The following PRMT8 variants were observed in gnomAD, a reference collection of about 807,000 sequenced individuals.
The protein encoded by PRMT8 is protein arginine N-methyltransferase 8.
PRMT8 carries 7 observed loss-of-function variants against 47.1 expected under a neutral mutation model. The observed-to-expected ratio is 0.15, with a 90% CI of 0.08 to 0.28. PRMT8 has a LOEUF of 0.28. Among genes scored for constraint, PRMT8 ranks in the 10% least tolerant of loss-of-function variants. PRMT8 has a pLI of 1.00. For synonymous variants in PRMT8, 188 were observed against 186.5 expected, an observed-to-expected ratio of 1.01 and a Z score of -0.07; for missense variants, 237 against 505.4, an observed-to-expected ratio of 0.47 and a Z score of 5.09.
Position 3,540,799 on chromosome 12 carries a change from G to A in PRMT8, c.261+8G>A. On this transcript the variant is annotated splice_region_variant and intron_variant, in intron 2 of 9. Coordinates refer to ENST00000382622, the MANE Select transcript of PRMT8 (RefSeq NM_019854.5). ...CACTTTGGGATCCACGAGGTAAAGT[G>A]TCCCGAGTGGGTGGCTAATGGGGCG... 6.2e-7 allele frequency: 1 copy of A among 1,612,242 alleles called. No individual in the cohort carries two copies. Among genetic ancestry groups the A allele is most frequent in the Non-Finnish European group, 8.5e-7 (1 of 1,178,882 alleles).
chr12:3,470,922 A>G (rs1865155158), intron 1 of PRMT8, among the ~76,000 whole-genome samples: 1 of 152,210 alleles, frequency 6.6e-6, no homozygotes, highest in Admixed American at 6.5e-5. Flanking sequence ...CTGCTCCTGC[A>G]AAAGACAGGC....
At chr12:3,524,310 A>G (rs1382667501) in intron 1 of PRMT8, among the ~76,000 whole-genome samples, 1 of 152,230 alleles carries the variant, frequency 6.6e-6, no homozygotes, top group Non-Finnish European at 1.5e-5. Flanking sequence ...GAAACAACGC[A>G]TACAGTGGTC....
chr12:3,553,445 G>T (rs985298478), intron 3 of PRMT8: 3 of 605,944 alleles, frequency 5.0e-6, no homozygotes, highest in Non-Finnish European at 8.8e-6. Context: ...CAGTCTTTTC[G>T]CAAAGGCAGC....
chr12:3,534,032 C>T (rs776074449), intron 1 of PRMT8, among the ~76,000 whole-genome samples: 3 of 152,164 alleles, frequency 2.0e-5, no homozygotes, highest in Admixed American at 6.5e-5. Flanking sequence ...GGGGCTGGCA[C>T]GAAGGTGGGC....
At chr12:3,476,400 T>G (rs1003012103) in intron 1 of PRMT8, among the ~76,000 whole-genome samples, 4 of 152,116 alleles carry the variant, frequency 2.6e-5, no homozygotes, top group Non-Finnish European at 5.9e-5. Flanking sequence ...AGGAATCTGA[T>G]TTTCTGCTTG....
rs538695308 is a variant in PRMT8 at position 3,522,801 on chromosome 12, C to CA, written c.76-17802dup. 5.9e-3 allele frequency among the ~76,000 whole-genome samples: 887 copies of CA among 150,108 alleles called. 7 individuals are homozygous for CA. The highest frequency in any genetic ancestry group is 0.02 in the African/African-American group (817 of 40,616). On this transcript the variant is annotated intron_variant, in intron 1 of 9. Transcript: ENST00000382622. ...GGAAAACAAACAAACAAAAAACAAA[C>CA]AAACAAAAAAAAACAGAAAAAAATG...
At chr12:3,435,856 G>A (rs1046220742) in intron 1 of PRMT8, among the ~76,000 whole-genome samples, 2 of 152,106 alleles carry the variant, frequency 1.3e-5, no homozygotes, top group Admixed American at 6.6e-5. Flanking sequence ...TCTCTGAACC[G>A]CTCAGGCTTG....
At chr12:3,438,231 G>A (rs1035862345) in intron 1 of PRMT8, among the ~76,000 whole-genome samples, 4 of 152,148 alleles carry the variant, frequency 2.6e-5, no homozygotes, top group Admixed American at 2.0e-4. Flanking sequence ...CTGGTGGAGA[G>A]GGTCTTATGC....
chr12:3,551,085 C>CCCCCCCCCCCCCCCCCCCCCT (rs56199176), intron 3 of PRMT8: 1 of 149,558 alleles, frequency 6.7e-6, no homozygotes, highest in African/African-American at 2.5e-5. Context: ...GACCCCCCCC[C>CCCCCCCCCCCCCCCCCCCCCT]GCCCACTGAC....
At chr12:3,479,556 C>T (rs187040031) in intron 1 of PRMT8, among the ~76,000 whole-genome samples, 6 of 152,092 alleles carry the variant, frequency 3.9e-5, no homozygotes, top group East Asian at 1.9e-4. Context: ...AGATAGCCAT[C>T]GTCTCAATTT....
chr12:3,535,261 G>A lies in PRMT8; in HGVS notation c.76-5345G>A, dbSNP rs191270485. ...TTTCATCTCTGCATTTAGTGGGCCCGAGGCCTGTTCACCCCAGTAGAGTGG... is the reference window on the plus strand; with the variant it reads ...TTTCATCTCTGCATTTAGTGGGCCCAAGGCCTGTTCACCCCAGTAGAGTGG... On this transcript the variant is annotated intron_variant, in intron 1 of 9. Coordinates refer to ENST00000382622, the MANE Select transcript of PRMT8 (RefSeq NM_019854.5). The surrounding 1 kb of genome is among the most constrained non-coding windows in gnomAD (Gnocchi z 4.7). 1.2e-4 allele frequency among the ~76,000 whole-genome samples: 18 copies of A among 152,320 alleles called. No homozygotes were observed. Among genetic ancestry groups the A allele is most frequent in the South Asian group, 4.1e-4 (2 of 4,822 alleles).
At position 3,577,007 on chromosome 12, in the gene PRMT8, T is replaced by C. The variant is rs767939703; in HGVS notation, c.828+21T>C. The C allele has an allele frequency of 1.9e-6, 3 of 1,600,698 alleles. No homozygotes were observed. In the Admixed American group the frequency reaches 5.0e-5, roughly 27 times the overall value. ...TAAAGGTCTGGACACTCATCCGGGGTGGACCTGGGTGTGCTGGGAGCCCCG... is the reference window on the plus strand; with the variant it reads ...TAAAGGTCTGGACACTCATCCGGGGCGGACCTGGGTGTGCTGGGAGCCCCG... On this transcript the variant is annotated intron_variant, in intron 7 of 9. Transcript: ENST00000382622.
intron 1 of PRMT8, among the ~76,000 whole-genome samples, chr12:3,448,819 T>G (rs1452340524): frequency 6.6e-6 from 1 of 152,212 alleles, no homozygotes; most frequent in Non-Finnish European, 1.5e-5. Flanking sequence ...GGTGGTTTGC[T>G]GCATCTATCA....
chr12:3,458,299 T>C (rs1333563054), intron 1 of PRMT8, among the ~76,000 whole-genome samples: 1 of 152,186 alleles, frequency 6.6e-6, no homozygotes, highest in Non-Finnish European at 1.5e-5. Flanking sequence ...CTCATCCCTG[T>C]GGCCAGGAGG....
In PRMT8 at chr12:3,411,366, C is replaced by T. The variant is rs1864428114; in HGVS notation, c.48+29924C>T. ...ATTGTAGCACTACAAAATTTCATTG[C>T]TTTGATCATCTTTCAGTTGCCTTCA... On this transcript the variant is annotated intron_variant, in intron 1 of 9. Transcript: ENST00000452611. Among the ~76,000 whole-genome samples the T allele has an allele frequency of 4.6e-5, 7 of 152,312 alleles. 1 individual carries two copies. In the South Asian group the frequency reaches 1.4e-3, roughly 32 times the overall value.
At chr12:3,393,530 G>A (rs1416555613) in intron 1 of PRMT8, among the ~76,000 whole-genome samples, 1 of 152,156 alleles carries the variant, frequency 6.6e-6, no homozygotes. Context: ...TTGTAGACAT[G>A]TGGTGTTATT....
intron 1 of PRMT8, among the ~76,000 whole-genome samples, chr12:3,454,858 C>G (rs991725435): frequency 6.6e-6 from 1 of 152,162 alleles, no homozygotes; most frequent in African/African-American, 2.4e-5. Context: ...TGGAGCAGTA[C>G]GAAATGTTAA....
At chr12:3,443,531 C>T (rs2137075468) in intron 1 of PRMT8, among the ~76,000 whole-genome samples, 1 of 152,290 alleles carries the variant, frequency 6.6e-6, no homozygotes, top group East Asian at 1.9e-4. Flanking sequence ...CACTTCCCTC[C>T]CTTTCCACTA....
intron 1 of PRMT8, among the ~76,000 whole-genome samples, chr12:3,408,895 G>A (rs1406987695): frequency 6.6e-6 from 1 of 152,238 alleles, no homozygotes; most frequent in African/African-American, 2.4e-5. Flanking sequence ...GTTTGTGGCA[G>A]CAGTGTATGC....
Sources: allele counts gnomAD v4.1 joint callset (sites outside exome capture counted in the v4.1 genomes callset), GRCh38; gene constraint gnomAD v4.1.1; non-coding constraint Gnocchi (gnomAD v3.1); transcripts MANE v1.5; gene names NCBI Gene and HGNC (gene_info 2026-07-23, HGNC 2026-07-21).